The following TYRO3 variants were observed in gnomAD, a reference collection of about 807,000 sequenced individuals.
The protein encoded by TYRO3 is TYRO3 protein tyrosine kinase.
In TYRO3, 38 loss-of-function variants were observed where a neutral mutation model predicts 95.2. The ratio of observed to expected loss-of-function variants is 0.40; its 90% CI spans 0.31 to 0.52. The LOEUF (loss-of-function observed/expected upper bound fraction) is 0.52, where lower values mean the gene tolerates loss of function less well. Among genes scored for constraint, TYRO3 ranks in the 20% least tolerant of loss-of-function variants. The pLI is 0.56. For missense variants in TYRO3, 812 were observed against 1,116.4 expected, an observed-to-expected ratio of 0.73 and a Z score of 3.89; for synonymous variants, 367 against 432.9, an observed-to-expected ratio of 0.85 and a Z score of 1.89.
intron 6 of TYRO3, among the ~76,000 whole-genome samples, chr15:41,565,966 TG>T (rs2055718421): frequency 6.6e-6 from 1 of 152,166 alleles, no homozygotes; most frequent in East Asian, 1.9e-4. Context: ...AAAACTGTTC[TG>T]GGCAGTTCCC....
At chr15:41,568,535 T>A (rs1467043819) in intron 8 of TYRO3, among the ~76,000 whole-genome samples, 173 bp downstream of exon 8, 3 of 152,112 alleles carry the variant, frequency 2.0e-5, no homozygotes, top group African/African-American at 7.2e-5. Context: ...AAGGATTATG[T>A]CTCCTGTTAG....
chr15:41,571,619 T>C lies in TYRO3; in HGVS notation c.1685T>C (p.Ile562Thr), dbSNP rs1452218473. ...GCTGACATCATTGCCTCAAGCGACATTGAAGAGTTCCTCAGGGAAGCAGCT... is the reference window on the plus strand; with the variant it reads ...GCTGACATCATTGCCTCAAGCGACACTGAAGAGTTCCTCAGGGAAGCAGCT... Reference protein sequence around the residue: ...LKADIIASSDIEEFLREAACM... With the variant: ...LKADIIASSDTEEFLREAACM... The change falls in exon 14 of 19, where the codon ATT becomes ACT. Residue 562 changes from isoleucine (I) to threonine (T), a missense_variant. Transcript: ENST00000263798. 9.3e-6 allele frequency: 15 copies of C among 1,613,714 alleles called. No individual in the cohort carries two copies. The highest frequency in any genetic ancestry group is 1.2e-5 in the Non-Finnish European group (14 of 1,179,670).
intron 5 of TYRO3, 78 bp downstream of exon 5, chr15:41,564,348 C>T (rs2055695046): frequency 3.6e-6 from 5 of 1,387,032 alleles, no homozygotes; most frequent in Admixed American, 1.7e-5. Flanking sequence ...TAGAATCATT[C>T]TGTGTTCCAG....
intron 3 of TYRO3, 39 bp from the exon 4 acceptor site, chr15:41,562,509 A>T (rs1257936879): frequency 1.2e-6 from 2 of 1,606,784 alleles, no homozygotes; most frequent in Non-Finnish European, 1.7e-6. Flanking sequence ...GGAAGCCAAG[A>T]GGTGGCAGGG....
At chr15:41,568,142 G>T in intron 7 of TYRO3, 75 bp from the exon 8 acceptor site, 10 of 1,580,538 alleles carry the variant, frequency 6.3e-6, no homozygotes, top group Non-Finnish European at 8.6e-6. Context: ...CTTGGGAGTT[G>T]ATTCCAAAGG....
chr15:41,559,304 C>A lies in TYRO3; in HGVS notation c.47C>A (p.Pro16Gln). The A allele has an allele frequency of 1.6e-6, 1 of 640,314 alleles. No homozygotes were observed. The highest frequency in any genetic ancestry group is 2.2e-6 in the Non-Finnish European group (1 of 455,218). The allele number at this position is 640,314 out of a possible 1,614,324, so 39.7% of individuals were successfully genotyped here. ...GGGCGGCCGGGGCTCCCGCCGCTGCCGCTGCCGCCGCCACCGCGGCTCGGG... is the reference window on the plus strand; with the variant it reads ...GGGCGGCCGGGGCTCCCGCCGCTGCAGCTGCCGCCGCCACCGCGGCTCGGG... Reference protein sequence around the residue: ...SMGRPGLPPLPLPPPPRLGLL... With the variant: ...SMGRPGLPPLQLPPPPRLGLL... The change falls in exon 1 of 19, where the codon CCG (proline) becomes CAG (glutamine). Residue 16 changes from proline (P) to glutamine (Q), a missense_variant. Transcript: ENST00000263798.
At chr15:41,572,944 C>A in intron 15 of TYRO3, 58 bp from the exon 16 acceptor site, 1 of 1,170,618 alleles carries the variant, frequency 8.5e-7, no homozygotes, top group Non-Finnish European at 1.2e-6. Context: ...GACCCCCATC[C>A]ATCCTGCCCC....
At position 41,573,337 on chromosome 15, in the gene TYRO3, C is replaced by T; in HGVS notation, c.2015C>T (p.Ala672Val). ...MLAEDMTVCVADFGLSRKIYS... is the reference protein window; with the variant it reads ...MLAEDMTVCVVDFGLSRKIYS... ...GCAGAGGACATGACAGTGTGTGTGG[C>T]TGACTTCGGACTCTCCCGGAAGATC... Residue 672 changes from alanine (A) to valine (V), a missense_variant, in exon 17 of 19, where the codon GCT (alanine) becomes GTT (valine). Physicochemically the swap from Ala to Val is moderately conservative, Grantham distance 64. Transcript: ENST00000263798. 1 of 1,614,208 alleles carries T rather than the reference C, an allele frequency of 6.2e-7. No homozygotes were observed. Among genetic ancestry groups the T allele is most frequent in the South Asian group, 1.1e-5 (1 of 91,088 alleles).
At chr15:41,562,102 G>GATACGGCGA in intron 3 of TYRO3, 1 of 179,798 alleles carries the variant, frequency 5.6e-6, no homozygotes, top group Non-Finnish European at 1.1e-5. Flanking sequence ...TGAGTTTTAT[G>GATACGGCGA]CCCCTCTCCC....
chr15:41,568,771 G>A (rs1183356360), intron 8 of TYRO3, 107 bp from the exon 9 acceptor site: 9 of 1,331,710 alleles, frequency 6.8e-6, no homozygotes, highest in Non-Finnish European at 9.2e-6. Flanking sequence ...AACCCACAGT[G>A]CCCCTATACT....
At chr15:41,566,311 T>C (rs2055723118) in intron 6 of TYRO3, among the ~76,000 whole-genome samples, 1 of 111,566 alleles carries the variant, frequency 9.0e-6, no homozygotes, top group African/African-American at 3.8e-5. Flanking sequence ...GGCAAGATCC[T>C]GTCTCTATTA....
At position 41,559,295 on chromosome 15, in the gene TYRO3, CGCCGCT is replaced by C. The variant is rs534867062; in HGVS notation, c.50_55del (p.Leu17_Pro18del). ...CGGAGCATGGGGCGGCCGGGGCTCCCGCCGCTGCCGCTGCCGCCGCCACCGCGGCTC... is the reference window on the plus strand; with the variant it reads ...CGGAGCATGGGGCGGCCGGGGCTCCCGCCGCTGCCGCCGCCACCGCGGCTC... On this transcript the variant is annotated inframe_deletion, in exon 1 of 19. Coordinates refer to ENST00000263798, the MANE Select transcript of TYRO3 (RefSeq NM_006293.4). 1.1e-4 allele frequency: 66 copies of C among 599,518 alleles called. No homozygotes were observed. The highest frequency in any genetic ancestry group is 6.9e-4 in the Admixed American group (15 of 21,678). The allele number at this position is 599,518 out of a possible 1,614,324, so 37.1% of individuals were successfully genotyped here.
chr15:41,582,520 GA>G lies in TYRO3; in HGVS notation c.*4256del, dbSNP rs1173360636. 6.6e-4 allele frequency: 95 copies of G among 143,354 alleles called. No individual in the cohort carries two copies. The highest frequency in any genetic ancestry group is 9.7e-4 in the African/African-American group (38 of 39,222). The allele number at this position is 143,354 out of a possible 1,614,324, so 8.9% of individuals were successfully genotyped here. ...GGTGAGAGAGTGAGACTCCATCTCG[GA>G]AAAAAAAAAAATTAGCTGGGCGTGC... On this transcript the variant is annotated 3_prime_UTR_variant, in exon 19 of 19. Transcript: ENST00000263798.
chr15:41,572,545 G>A lies in TYRO3; in HGVS notation c.1856G>A (p.Arg619Gln), dbSNP rs202044292. The A allele has an allele frequency of 6.2e-6, 10 of 1,614,182 alleles. No individual in the cohort carries two copies. The highest frequency in any genetic ancestry group is 7.6e-6 in the Non-Finnish European group (9 of 1,180,036). The change falls in exon 15 of 19, where the codon CGG (arginine) becomes CAG (glutamine). Residue 619 changes from arginine to glutamine, a missense_variant. Arg to Gln is a conservative substitution (Grantham distance 43). Coordinates refer to ENST00000263798, the MANE Select transcript of TYRO3 (RefSeq NM_006293.4). ...GDLHAFLLAS[R>Q]IGENPFNLPL... ...CTGCATGCCTTCCTGCTCGCCTCCC[G>A]GATTGGGGAGAACCCCTTTGTGAGT...
At position 41,559,228 on chromosome 15, in the gene TYRO3, C is replaced by T. The variant is rs1018634932; in HGVS notation, c.-30C>T. The T allele has an allele frequency of 1.5e-5, 5 of 329,120 alleles. No individual in the cohort carries two copies. The highest frequency in any genetic ancestry group is 2.6e-5 in the Non-Finnish European group (5 of 190,386). The allele number at this position is 329,120 out of a possible 1,614,324, so 20.4% of individuals were successfully genotyped here. ...CCCTCCTCCCTCCTCGCTCGCGGGC[C>T]GGGCCCGGCATGGTGCGGCGTCGCC... On this transcript the variant is annotated 5_prime_UTR_variant, in exon 1 of 19. Coordinates refer to ENST00000263798, the MANE Select transcript of TYRO3 (RefSeq NM_006293.4).
At chr15:41,564,946 A>T in intron 5 of TYRO3, 80 bp from the exon 6 acceptor site, 1 of 914,428 alleles carries the variant, frequency 1.1e-6, no homozygotes, top group Non-Finnish European at 1.7e-6. Flanking sequence ...CCTCAGAGAG[A>T]CTCAAGGCTT....
chr15:41,561,150 G>A lies in TYRO3; in HGVS notation c.148G>A (p.Val50Met). The change falls in exon 2 of 19, where the codon GTG becomes ATG. Residue 50 changes from valine to methionine, a missense_variant. Val to Met is a conservative substitution (Grantham distance 21, BLOSUM62 1). Coordinates refer to ENST00000263798, the MANE Select transcript of TYRO3 (RefSeq NM_006293.4). ...AGGTCTGAAGCTCATGGGAGCCCCG[G>A]TGAAGCTGACAGTGTCTCAGGGGCA... is the stretch of plus-strand genomic sequence containing the variant. ...AAGLKLMGAP[V>M]KLTVSQGQPV... 1 of 1,614,232 alleles carries A rather than the reference G, an allele frequency of 6.2e-7. No individual in the cohort carries two copies. Among genetic ancestry groups the A allele is most frequent in the Non-Finnish European group, 8.5e-7 (1 of 1,180,036 alleles).
At chr15:41,568,415 G>GTTC (rs2055752453) in intron 8 of TYRO3, 53 bp downstream of exon 8, 2 of 1,530,650 alleles carry the variant, frequency 1.3e-6, no homozygotes, top group Admixed American at 4.2e-5. Context: ...AGCCTTCAGG[G>GTTC]TTCTAAGGCC....
Position 41,583,157 on chromosome 15 carries a change from A to G in TYRO3, c.*4881A>G, listed in dbSNP as rs2055939828. 1 of 151,248 alleles carries G rather than the reference A, an allele frequency of 6.6e-6. No individual in the cohort carries two copies. Among genetic ancestry groups the G allele is most frequent in the Admixed American group, 6.6e-5 (1 of 15,190 alleles). 9.4% of individuals were successfully genotyped at this position (151,248 alleles called of 1,614,324 possible). A position where few individuals can be genotyped will look rare whatever the true frequency, so the allele number is the denominator to read the frequency against. On this transcript the variant is annotated 3_prime_UTR_variant, in exon 19 of 19. Coordinates refer to ENST00000263798, the MANE Select transcript of TYRO3 (RefSeq NM_006293.4). ...GACTACAGGCACGTGCCACCACAAC[A>G]TGCTAATTTTTTGTATTTTTAGTAG...
Sources: allele counts gnomAD v4.1 joint callset (sites outside exome capture counted in the v4.1 genomes callset), GRCh38; gene constraint gnomAD v4.1.1; transcripts MANE v1.5; gene names NCBI Gene and HGNC (gene_info 2026-07-23, HGNC 2026-07-21).